ERC1: variants seen among roughly 807,000 people sequenced by gnomAD.
The protein encoded by ERC1 is ELKS/RAB6-interacting/CAST family member 1, also known as RAB6 interacting protein 2.
ERC1 carries 56 observed loss-of-function variants against 132.0 expected under a neutral mutation model. The ratio of observed to expected loss-of-function variants is 0.42; its 90% CI spans 0.34 to 0.53. The LOEUF (loss-of-function observed/expected upper bound fraction) is 0.53, where lower values mean the gene tolerates loss of function less well. Among genes scored for constraint, ERC1 ranks in the 20% least tolerant of loss-of-function variants. The pLI, the probability that ERC1 is intolerant of heterozygous loss-of-function variation, is 0.03. For synonymous variants in ERC1, 478 were observed against 476.1 expected (o/e 1.00, Z -0.05); for missense variants, 1,202 against 1,349.9 (o/e 0.89, Z 1.72).
rs1334870567 is a variant in ERC1 at position 1,286,062 on chromosome 12, G to C, written c.2620-3790G>C. ...GAGTCCCAGCACTTTGGGAGGCCAA[G>C]GCAGGTGGATCACTTGAAGTCAGGA... On this transcript the variant is annotated intron_variant, in intron 14 of 18. Coordinates refer to ENST00000360905, the MANE Select transcript of ERC1 (RefSeq NM_178040.4). Among the ~76,000 whole-genome samples the C allele has an allele frequency of 2.0e-5, 3 of 152,128 alleles. No homozygotes were observed. The East Asian group carries it at 5.8e-4, about 29-fold the overall frequency.
intron 12 of ERC1, chr12:1,204,500 G>T (rs1437820516): frequency 6.3e-7 from 1 of 1,587,594 alleles, no homozygotes. Context: ...GTTTCCTTCA[G>T]TCTCACCTCA....
chr12:1,327,577 G>C (rs576310117), intron 15 of ERC1, among the ~76,000 whole-genome samples: 21 of 152,172 alleles, frequency 1.4e-4, no homozygotes, highest in African/African-American at 4.6e-4. Flanking sequence ...CCTTACAACT[G>C]ATGGTCTCTA....
chr12:1,095,587 C>T (rs1300317167), intron 3 of ERC1, among the ~76,000 whole-genome samples: 1 of 152,092 alleles, frequency 6.6e-6, no homozygotes, highest in Admixed American at 6.5e-5. Context: ...GATTCAGATA[C>T]TTCTACCTCT....
At chr12:1,056,069 GC>G (rs1972894509) in intron 2 of ERC1, among the ~76,000 whole-genome samples, 1 of 131,232 alleles carries the variant, frequency 7.6e-6, no homozygotes, top group Non-Finnish European at 1.6e-5. Context: ...TTTTATTGTA[GC>G]CTTTTTTTTT....
At chr12:1,213,054 T>C (rs377328809) in intron 12 of ERC1, among the ~76,000 whole-genome samples, 1 of 152,232 alleles carries the variant, frequency 6.6e-6, no homozygotes, top group African/African-American at 2.4e-5. Flanking sequence ...TTTTTAGTTG[T>C]CTAGTAATCC....
intron 15 of ERC1, among the ~76,000 whole-genome samples, chr12:1,346,048 G>A (rs1370378130): frequency 3.9e-5 from 6 of 152,162 alleles, no homozygotes; most frequent in African/African-American, 7.2e-5. Flanking sequence ...GAACAGAAGG[G>A]CCAGGAATTG....
chr12:1,146,852 C>T (rs1950426035), intron 8 of ERC1, among the ~76,000 whole-genome samples: 3 of 151,670 alleles, frequency 2.0e-5, no homozygotes, highest in South Asian at 2.1e-4. Flanking sequence ...GAATTCCCAC[C>T]TATGAGTGAG....
At chr12:1,278,883 G>A (rs922920351) in intron 14 of ERC1, among the ~76,000 whole-genome samples, 1 of 152,032 alleles carries the variant, frequency 6.6e-6, no homozygotes, top group African/African-American at 2.4e-5. Context: ...TTAGAATACG[G>A]ATAGCCCTAA....
intron 14 of ERC1, among the ~76,000 whole-genome samples, chr12:1,278,512 A>T (rs929052574): frequency 2.0e-5 from 3 of 152,180 alleles, no homozygotes; most frequent in Non-Finnish European, 4.4e-5. Context: ...TAGGGAAGAA[A>T]ATGAAACTCA....
rs1425657007 is a variant in ERC1 at position 1,491,571 on chromosome 12, G to C, written c.*1341G>C. On this transcript the variant is annotated 3_prime_UTR_variant, in exon 19 of 19. Transcript: ENST00000360905. ...ATCTTAAGGTGTGTTTTCTAGAAAAGTTCCCTAATGGAATTCATGAGTTTG... is the reference window on the plus strand; with the variant it reads ...ATCTTAAGGTGTGTTTTCTAGAAAACTTCCCTAATGGAATTCATGAGTTTG... The C allele has an allele frequency of 4.6e-6, 1 of 216,146 alleles. No homozygotes were observed. Among genetic ancestry groups the C allele is most frequent in the Non-Finnish European group, 9.0e-6 (1 of 110,972 alleles). 13.4% of individuals were successfully genotyped at this position (216,146 alleles called of 1,614,324 possible).
chr12:1,423,678 A>G (rs2092512547), intron 17 of ERC1, among the ~76,000 whole-genome samples: 1 of 152,198 alleles, frequency 6.6e-6, no homozygotes, highest in Non-Finnish European at 1.5e-5. Context: ...AGAAGCATTC[A>G]AATCTCCAAC....
chr12:1,258,999 G>T (rs964602488), intron 13 of ERC1, among the ~76,000 whole-genome samples: 3 of 152,044 alleles, frequency 2.0e-5, no homozygotes, highest in African/African-American at 2.4e-5. Flanking sequence ...AATGACACTT[G>T]TAACTATTTC....
intron 18 of ERC1, among the ~76,000 whole-genome samples, chr12:1,481,527 G>T (rs16928482): frequency 3.3e-5 from 5 of 152,192 alleles, no homozygotes; most frequent in Admixed American, 3.3e-4. Flanking sequence ...TGGATCAAGC[G>T]CCAATGAAAT....
intron 15 of ERC1, among the ~76,000 whole-genome samples, chr12:1,349,841 G>C (rs2084844278): frequency 6.6e-6 from 1 of 152,112 alleles, no homozygotes; most frequent in South Asian, 2.1e-4. Context: ...TAGACTTCCA[G>C]CTTTCCTAAA....
chr12:1,194,764 A>G (rs1184686025), intron 12 of ERC1, among the ~76,000 whole-genome samples: 2 of 152,190 alleles, frequency 1.3e-5, no homozygotes, highest in Admixed American at 1.3e-4. Context: ...AATGACAACC[A>G]TCTGATTTTC....
intron 16 of ERC1, among the ~76,000 whole-genome samples, chr12:1,379,685 G>A (rs561029225): frequency 5.3e-5 from 8 of 152,214 alleles, no homozygotes; most frequent in Non-Finnish European, 7.4e-5. Flanking sequence ...GTTCTGACCC[G>A]GGGTCCTCTG....
At chr12:1,265,967 G>A (rs1334315111) in intron 14 of ERC1, among the ~76,000 whole-genome samples, 1 of 152,098 alleles carries the variant, frequency 6.6e-6, no homozygotes, top group African/African-American at 2.4e-5. Flanking sequence ...GGACGTCTTG[G>A]TACCATTCAG....
At chr12:1,395,541 G>A (rs1333749184) in intron 16 of ERC1, among the ~76,000 whole-genome samples, 1 of 152,010 alleles carries the variant, frequency 6.6e-6, no homozygotes, top group Non-Finnish European at 1.5e-5. Flanking sequence ...ATGGGAAAGT[G>A]CTAAATATAC....
chr12:1,365,365 C>T (rs947102347), intron 15 of ERC1, among the ~76,000 whole-genome samples: 5 of 152,030 alleles, frequency 3.3e-5, no homozygotes, highest in African/African-American at 1.2e-4. Context: ...TGAAATACAG[C>T]TTCAGGATAG....
Sources: allele counts gnomAD v4.1 joint callset (sites outside exome capture counted in the v4.1 genomes callset), GRCh38; gene constraint gnomAD v4.1.1; transcripts MANE v1.5; gene names NCBI Gene and HGNC (gene_info 2026-07-23, HGNC 2026-07-21).